PPIL1: variants seen among roughly 807,000 people sequenced by gnomAD.
The protein encoded by PPIL1 is peptidylprolyl isomerase like 1, also known as peptidyl-prolyl cis-trans isomerase-like 1.
PPIL1 carries 14 observed loss-of-function variants against 19.4 expected under a neutral mutation model. The observed-to-expected ratio is 0.72, with a 90% CI of 0.48 to 1.13. The LOEUF is 1.13. PPIL1 is among the 50% of genes most tolerant of loss of function. PPIL1 has a pLI of 0.00. For synonymous variants in PPIL1, 72 were observed against 73.6 expected (o/e 0.98, Z 0.11); for missense variants, 192 against 218.0 (o/e 0.88, Z 0.75).
chr6:36,867,855 G>C (rs1400121674), intron 2 of PPIL1, among the ~76,000 whole-genome samples: 1 of 152,220 alleles, frequency 6.6e-6, no homozygotes, highest in Non-Finnish European at 1.5e-5. Flanking sequence ...TTTGAAGTGG[G>C]GAAGACAACC....
chr6:36,862,225 G>A (rs1774304997), intron 2 of PPIL1, among the ~76,000 whole-genome samples: 1 of 150,920 alleles, frequency 6.6e-6, no homozygotes, highest in Non-Finnish European at 1.5e-5. Flanking sequence ...CCCACAGATG[G>A]GCAGTGGCCT....
At chr6:36,856,095 G>C in intron 3 of PPIL1, 62 bp from the exon 4 acceptor site, 2 of 1,515,650 alleles carry the variant, frequency 1.3e-6, no homozygotes, top group Non-Finnish European at 1.8e-6. Context: ...GTGTAGAGCT[G>C]CTGCCCCATC....
At chr6:36,869,858 CTG>C (rs1475847456) in intron 2 of PPIL1, among the ~76,000 whole-genome samples, 2 of 152,292 alleles carry the variant, frequency 1.3e-5, no homozygotes, top group East Asian at 3.9e-4. Context: ...GTAATATGTT[CTG>C]TTTTAAAAAC....
chr6:36,867,273 G>A (rs939337892), intron 2 of PPIL1, among the ~76,000 whole-genome samples: 4 of 152,056 alleles, frequency 2.6e-5, no homozygotes, highest in East Asian at 1.9e-4. Context: ...TATCAGGCAC[G>A]TTTACCACAT....
rs1425797926 is a variant in PPIL1, at chr6:36,855,963, G to C, written c.351C>G (p.Ala117=). The change falls in exon 4 of 4, where the codon GCC becomes GCG. Residue 117 remains alanine (A), a synonymous_variant. Transcript: ENST00000373699. The stretch of plus-strand genomic sequence containing the variant: ...GTTTGCCGTCAAGCCACTGGGTGGG[G>C]GCGAGGGTCACAAAGAACTGGCTGC... ...TNGSQFFVTL[A]PTQWLDGKHT... 1.1e-5 allele frequency: 18 copies of C among 1,614,094 alleles called. No homozygotes were observed. The East Asian group carries it at 4.0e-4, about 36-fold the overall frequency.
At chr6:36,865,582 T>C (rs980221935) in intron 2 of PPIL1, among the ~76,000 whole-genome samples, 3 of 152,124 alleles carry the variant, frequency 2.0e-5, no homozygotes. Flanking sequence ...TCTTCCTAAA[T>C]TCAAAATGCC....
At chr6:36,858,826 C>A (rs1774219740) in intron 2 of PPIL1, among the ~76,000 whole-genome samples, 1 of 151,738 alleles carries the variant, frequency 6.6e-6, no homozygotes, top group Middle Eastern at 3.4e-3. Flanking sequence ...CTCAATCCTC[C>A]CCTTTGCTTG....
intron 2 of PPIL1, among the ~76,000 whole-genome samples, chr6:36,869,334 A>T (rs1774461159): frequency 6.6e-6 from 1 of 152,198 alleles, no homozygotes; most frequent in African/African-American, 2.4e-5. Flanking sequence ...GTGGAGGCTG[A>T]GAAGTCCAAG....
rs564655291 is a variant in PPIL1, at chr6:36,871,792, C to T, written c.137G>A (p.Gly46Asp). The T allele has an allele frequency of 2.9e-5, 47 of 1,611,766 alleles. 2 individuals are homozygous for T. In the South Asian group the frequency reaches 5.1e-4, roughly 17 times the overall value. The change falls in exon 2 of 4, where the codon GGT becomes GAT. Residue 46 changes from glycine to aspartate, a missense_variant. Transcript: ENST00000373699. ...GTGGAATTTTGTGCCATTGTAGTAA[C>T]CTCGACGAGCCAACTCAGCAAAGTT... is the stretch of plus-strand genomic sequence containing the variant. ...CKNFAELARRGYYNGTKFHRI... is the reference protein window; with the variant it reads ...CKNFAELARRDYYNGTKFHRI...
chr6:36,866,413 C>T (rs975517265), intron 2 of PPIL1, among the ~76,000 whole-genome samples: 21 of 152,092 alleles, frequency 1.4e-4, no homozygotes, highest in African/African-American at 5.1e-4. Context: ...TAACAAAAAA[C>T]GTGTCACCTA....
intron 2 of PPIL1, among the ~76,000 whole-genome samples, chr6:36,868,515 G>A (rs892832827): frequency 6.6e-6 from 1 of 152,012 alleles, no homozygotes; most frequent in African/African-American, 2.4e-5. Context: ...AGTAAATCTG[G>A]CCTCAGTATT....
chr6:36,871,618 AT>A, intron 2 of PPIL1, 99 bp downstream of exon 2: 1 of 1,425,122 alleles, frequency 7.0e-7, no homozygotes, highest in Non-Finnish European at 9.5e-7. Context: ...CTTATCACCT[AT>A]TTACGACAGA....
Position 36,856,676 on chromosome 6 carries a change from C to CT in PPIL1, c.212-23_212-22insA, listed in dbSNP as rs761014425. 6.2e-6 allele frequency: 10 copies of CT among 1,607,636 alleles called. No individual in the cohort carries two copies. In the South Asian group the frequency reaches 9.9e-5, roughly 16 times the overall value. On this transcript the variant is annotated intron_variant, in intron 2 of 3. Coordinates refer to ENST00000373699, the MANE Select transcript of PPIL1 (RefSeq NM_016059.5). Reference sequence around the variant, plus strand: ...CGACCTGCCCGATTGGAAGATGACACATGAATCAGCCAGTCACACATTCTA... The same window carrying CT: ...CGACCTGCCCGATTGGAAGATGACACTATGAATCAGCCAGTCACACATTCTA...
intron 2 of PPIL1, among the ~76,000 whole-genome samples, chr6:36,858,377 C>A (rs2150654630): frequency 6.6e-6 from 1 of 152,224 alleles, no homozygotes; most frequent in Middle Eastern, 3.4e-3. Flanking sequence ...ATTGGTTTCT[C>A]CAAGTTGAAC....
At position 36,863,854 on chromosome 6, in the gene PPIL1, G is replaced by A. The variant is rs558121189; in HGVS notation, c.212-7200C>T. 1.8e-4 allele frequency among the ~76,000 whole-genome samples: 27 copies of A among 151,714 alleles called. No individual in the cohort carries two copies. The South Asian group carries it at 5.2e-3, about 29-fold the overall frequency. On this transcript the variant is annotated intron_variant, in intron 2 of 3. Coordinates refer to ENST00000373699, the MANE Select transcript of PPIL1 (RefSeq NM_016059.5). ...CTGCTTGAGTTGCTGTCTTCCTTTG[G>A]CTTCCACGACTCCACATTCTCCTGG...
At chr6:36,865,527 C>T (rs983649005) in intron 2 of PPIL1, among the ~76,000 whole-genome samples, 1 of 152,258 alleles carries the variant, frequency 6.6e-6, no homozygotes, top group East Asian at 1.9e-4. Context: ...CGGGCTCCCT[C>T]CCTACCCCTG....
chr6:36,864,396 T>C (rs1774354709), intron 2 of PPIL1, among the ~76,000 whole-genome samples: 1 of 152,134 alleles, frequency 6.6e-6, no homozygotes, highest in Non-Finnish European at 1.5e-5. Flanking sequence ...CTGTGCTGTT[T>C]CCTGCCAGGC....
rs939738054 is a variant in PPIL1, at chr6:36,855,998, C to A, written c.316G>T (p.Asp106Tyr). 2.5e-6 allele frequency: 4 copies of A among 1,614,170 alleles called. No individual in the cohort carries two copies. Among genetic ancestry groups the A allele is most frequent in the Non-Finnish European group, 3.4e-6 (4 of 1,179,988 alleles). Residue 106 changes from aspartate (D) to tyrosine (Y), a missense_variant, in exon 4 of 4, where the codon GAT (aspartate) becomes TAT (tyrosine). By Grantham distance (160) the Asp-to-Tyr change is radical. Coordinates refer to ENST00000373699, the MANE Select transcript of PPIL1 (RefSeq NM_016059.5). ...ACAAAGAACTGGCTGCCATTGGTAT[C>A]TGGCCCCGCATTGGCCATTGCGAGA... is the stretch of plus-strand genomic sequence containing the variant. ...GILAMANAGP[D>Y]TNGSQFFVTL... is the part of the protein sequence containing the mutation.
chr6:36,874,618 A>G, intron 1 of PPIL1, 99 bp downstream of exon 1: 1 of 1,489,832 alleles, frequency 6.7e-7, no homozygotes, highest in Non-Finnish European at 9.3e-7. Context: ...CTCCACGTGG[A>G]GGCCGGCCTC....
Sources: allele counts gnomAD v4.1 joint callset (sites outside exome capture counted in the v4.1 genomes callset), GRCh38; gene constraint gnomAD v4.1.1; transcripts MANE v1.5; gene names NCBI Gene and HGNC (gene_info 2026-07-23, HGNC 2026-07-21).